The following TCF7L2 variants were observed in gnomAD, a reference collection of about 807,000 sequenced individuals.
TCF7L2 encodes transcription factor 7-like 2.
TCF7L2 carries 23 observed loss-of-function variants against 77.9 expected under a neutral mutation model. The observed-to-expected ratio is 0.30, with a 90% CI of 0.21 to 0.42. The LOEUF is 0.42. TCF7L2 is among the 10% of genes least tolerant of loss of function. The probability of loss-of-function intolerance (pLI) is 1.00; values close to 1 mark genes in which losing one functional copy is unlikely to be tolerated. For missense variants in TCF7L2, 654 were observed against 793.1 expected, an observed-to-expected ratio of 0.82 and a Z score of 2.11; for synonymous variants, 413 against 340.2, an observed-to-expected ratio of 1.21 and a Z score of -2.36.
intron 5 of TCF7L2, among the ~76,000 whole-genome samples, chr10:113,083,285 C>CACACAT (rs1443875833): frequency 2.0e-5 from 3 of 151,502 alleles, no homozygotes; most frequent in African/African-American, 7.3e-5. Flanking sequence ...CACACACACA[C>CACACAT]ACACACACGT....
intron 5 of TCF7L2, among the ~76,000 whole-genome samples, chr10:113,119,299 G>A (rs1352089222): frequency 1.3e-5 from 2 of 152,054 alleles, no homozygotes; most frequent in Non-Finnish European, 2.9e-5. Context: ...TAGTTTCACC[G>A]GCAGCTGTTT....
intron 5 of TCF7L2, among the ~76,000 whole-genome samples, chr10:113,112,986 C>T (rs964669277): frequency 6.6e-6 from 1 of 152,162 alleles, no homozygotes; most frequent in Non-Finnish European, 1.5e-5. Flanking sequence ...TCCTCTGCTT[C>T]CAATTCATTT....
chr10:112,964,816 G>GTGGTGATAGTGGTGGTGGTGGT (rs1331506565), intron 4 of TCF7L2, among the ~76,000 whole-genome samples, 192 bp downstream of exon 4: 2 of 148,066 alleles, frequency 1.4e-5, no homozygotes, highest in African/African-American at 2.5e-5. Context: ...TGGTGGTGGG[G>GTGGTGATAGTGGTGGTGGTGGT]GGGGGTTGAA....
intron 8 of TCF7L2, among the ~76,000 whole-genome samples, chr10:113,150,443 T>C (rs1490335386): frequency 6.6e-6 from 1 of 152,086 alleles, no homozygotes; most frequent in Admixed American, 6.6e-5. Flanking sequence ...TCTCTCCCAT[T>C]CCTGTCAAAT....
rs375590656 is a variant in TCF7L2 at position 113,159,915 on chromosome 10, T to C, written c.1319-704T>C. 6.9e-7 allele frequency: 1 copy of C among 1,449,476 alleles called. No individual in the cohort carries two copies. Among genetic ancestry groups the C allele is most frequent in the Non-Finnish European group, 9.3e-7 (1 of 1,077,086 alleles). The allele number at this position is 1,449,476 out of a possible 1,614,324, so 89.8% of individuals were successfully genotyped here. ...TCTGCTCGCTTCTCTCTTGAACTCA[T>C]TCAGACCTGAGCGCTCCTAAGAAAT... On this transcript the variant is annotated intron_variant, in intron 12 of 13. Coordinates refer to ENST00000627217, the MANE Select transcript of TCF7L2 (RefSeq NM_001146274.2).
chr10:112,996,389 C>T (rs1480268028), intron 4 of TCF7L2, among the ~76,000 whole-genome samples: 1 of 151,988 alleles, frequency 6.6e-6, no homozygotes, highest in East Asian at 1.9e-4. Flanking sequence ...AAAAAAGGGG[C>T]CATGTTGTGG....
At chr10:113,072,346 G>A (rs1056838860) in intron 5 of TCF7L2, among the ~76,000 whole-genome samples, 10 of 149,102 alleles carry the variant, frequency 6.7e-5, no homozygotes, top group South Asian at 2.1e-4. Flanking sequence ...GAGTCACCGC[G>A]CCTGGCCTTT....
chr10:113,042,233 G>A (rs1421874735), intron 5 of TCF7L2, among the ~76,000 whole-genome samples: 1 of 152,106 alleles, frequency 6.6e-6, no homozygotes, highest in Admixed American at 6.5e-5. Context: ...CAGCAAGGGG[G>A]CTTAGGCACC....
intron 5 of TCF7L2, among the ~76,000 whole-genome samples, chr10:113,120,645 C>T (rs940706365): frequency 4.6e-5 from 7 of 151,940 alleles, no homozygotes; most frequent in Non-Finnish European, 8.8e-5. Flanking sequence ...TTCAAGGGGA[C>T]GTAGGAGGGT....
intron 4 of TCF7L2, among the ~76,000 whole-genome samples, chr10:113,030,465 A>G (rs977547144): frequency 1.3e-5 from 2 of 152,176 alleles, no homozygotes; most frequent in Non-Finnish European, 2.9e-5. Flanking sequence ...AGACATGGGT[A>G]GTAACTAAAA....
At chr10:113,005,360 G>A (rs1367784241) in intron 4 of TCF7L2, among the ~76,000 whole-genome samples, 2 of 152,194 alleles carry the variant, frequency 1.3e-5, no homozygotes, top group Admixed American at 1.3e-4. Flanking sequence ...GGCTAGCAGG[G>A]TAGCTGTGGA....
At chr10:113,145,862 G>T in intron 7 of TCF7L2, 149 bp from the exon 8 acceptor site, 1 of 598,256 alleles carries the variant, frequency 1.7e-6, no homozygotes, top group Non-Finnish European at 2.9e-6. Context: ...TCTTCCCTTT[G>T]ATCCTTCCTG....
At chr10:113,078,983 C>T (rs2059026814) in intron 5 of TCF7L2, among the ~76,000 whole-genome samples, 1 of 152,006 alleles carries the variant, frequency 6.6e-6, no homozygotes, top group African/African-American at 2.4e-5. Context: ...CAGGTGCCTG[C>T]CACAATGCCT....
rs61875106 is a variant in TCF7L2 at position 112,964,086 on chromosome 10, A to C, written c.382-470A>C. On this transcript the variant is annotated intron_variant, in intron 3 of 13. Coordinates refer to ENST00000627217, the MANE Select transcript of TCF7L2 (RefSeq NM_001146274.2). ...ATTGGAGAGTTGGGGCCCAGTTATT[A>C]GAAATATGGGGATGGGGTGCTTGTA... 9.3e-3 allele frequency among the ~76,000 whole-genome samples: 1,423 copies of C among 152,288 alleles called. 11 individuals are homozygous for C. Among genetic ancestry groups the C allele is most frequent in the Non-Finnish European group, 0.016 (1,078 of 68,018 alleles).
At chr10:113,136,127 A>G (rs1217380419) in intron 5 of TCF7L2, among the ~76,000 whole-genome samples, 1 of 152,092 alleles carries the variant, frequency 6.6e-6, no homozygotes, top group Non-Finnish European at 1.5e-5. Context: ...ATCTTTACCT[A>G]CCGCGTGGAA....
At chr10:113,145,278 C>A (rs1369240878) in intron 7 of TCF7L2, among the ~76,000 whole-genome samples, 1 of 152,070 alleles carries the variant, frequency 6.6e-6, no homozygotes, top group Non-Finnish European at 1.5e-5. Flanking sequence ...GGGGCCAACC[C>A]TCGAATAGTT....
At chr10:113,163,660 C>G (rs11196250) in intron 13 of TCF7L2, among the ~76,000 whole-genome samples, 7,784 of 152,044 alleles carry the variant, frequency 0.051, 539 homozygotes, top group African/African-American at 0.16. Flanking sequence ...TTTACTCTCT[C>G]CCAGGGAGAA....
chr10:113,131,339 G>C (rs1444587896), intron 5 of TCF7L2, among the ~76,000 whole-genome samples: 1 of 152,092 alleles, frequency 6.6e-6, no homozygotes, highest in African/African-American at 2.4e-5. Context: ...AATAATGATG[G>C]GTGTAAATCT....
intron 5 of TCF7L2, among the ~76,000 whole-genome samples, chr10:113,137,115 T>C (rs2067535086): frequency 6.6e-6 from 1 of 152,100 alleles, no homozygotes; most frequent in South Asian, 2.1e-4. Flanking sequence ...TATTAAAATA[T>C]ATGGATTAAT....
Sources: gnomAD v4.1 joint callset for allele counts (sites outside exome capture counted in the v4.1 genomes callset) on GRCh38, gnomAD v4.1.1 for gene constraint, MANE v1.5 for transcripts, NCBI Gene and HGNC (gene_info 2026-07-23, HGNC 2026-07-21) for gene names.